Variants in API5 observed in about 807,000 individuals in gnomAD.
API5 encodes FIF.
API5 carries 6 observed loss-of-function variants against 71.9 expected under a neutral mutation model. The ratio of observed to expected loss-of-function variants is 0.08; its 90% CI spans 0.05 to 0.16. API5 has a LOEUF of 0.16. Ranked by LOEUF, API5 falls within the 10% of genes least tolerant of loss-of-function variation. The probability of loss-of-function intolerance (pLI) is 1.00; values close to 1 mark genes in which losing one functional copy is unlikely to be tolerated. For missense variants in API5, 332 were observed against 612.8 expected (o/e 0.54, Z 4.84); for synonymous variants, 189 against 221.3 (o/e 0.85, Z 1.30).
At position 43,327,675 on chromosome 11, in the gene API5, T is replaced by C. The variant is rs1171160066; in HGVS notation, c.856-114T>C. 7 of 723,844 alleles carry C rather than the reference T, an allele frequency of 9.7e-6. 1 individual carries two copies. The highest frequency in any genetic ancestry group is 5.7e-5 in the East Asian group (2 of 34,838). 44.8% of individuals were successfully genotyped at this position (723,844 alleles called of 1,614,324 possible). The stretch of plus-strand genomic sequence containing the variant: ...AGGTTTTCTTCCATTTCAAATGTTA[T>C]GATTCTGTGAAAACATAATTGAAAA... On this transcript the variant is annotated intron_variant, in intron 7 of 13. Transcript: ENST00000531273.
chr11:43,318,954 G>C, intron 2 of API5, 153 bp downstream of exon 2: 1 of 672,000 alleles, frequency 1.5e-6, no homozygotes, highest in Non-Finnish European at 2.4e-6. Flanking sequence ...ATTTACATAT[G>C]ATAAAGTGTA....
Position 43,342,582 on chromosome 11 carries a change from G to A in API5, c.*72G>A, listed in dbSNP as rs570546626. ...AAATTCTACTACTCATTGGATTGCC[G>A]GGGATGTCCCTTTAAACAGACTGCT... On this transcript the variant is annotated 3_prime_UTR_variant, in exon 14 of 14. Coordinates refer to ENST00000531273, the MANE Select transcript of API5 (RefSeq NM_001142930.2). The A allele has an allele frequency of 7.4e-5, 110 of 1,492,098 alleles. No homozygotes were observed. Among genetic ancestry groups the A allele is most frequent in the Non-Finnish European group, 9.0e-5 (97 of 1,077,022 alleles). The allele number at this position is 1,492,098 out of a possible 1,614,324, so 92.4% of individuals were successfully genotyped here. A position where few individuals can be genotyped will look rare whatever the true frequency, so the allele number is the denominator to read the frequency against.
chr11:43,317,918 T>G (rs1854727567), intron 1 of API5, among the ~76,000 whole-genome samples: 1 of 152,094 alleles, frequency 6.6e-6, no homozygotes, highest in African/African-American at 2.4e-5. Context: ...CTCAAGTGAT[T>G]GCCCACCTCG....
intron 1 of API5, among the ~76,000 whole-genome samples, chr11:43,314,364 A>G (rs1854598214): frequency 1.3e-5 from 2 of 152,170 alleles, no homozygotes; most frequent in Admixed American, 1.3e-4. Flanking sequence ...CCCCTACTCT[A>G]ATTTTGAGAG....
intron 5 of API5, 53 bp from the exon 6 acceptor site, chr11:43,323,377 C>G (rs1816703898): frequency 3.5e-6 from 5 of 1,424,084 alleles, no homozygotes; most frequent in Middle Eastern, 1.8e-4. Flanking sequence ...CAGTGTTGAT[C>G]TGTCCCATTC....
At chr11:43,320,948 T>C in intron 3 of API5, 34 bp downstream of exon 3, 2 of 1,522,880 alleles carry the variant, frequency 1.3e-6, no homozygotes, top group Non-Finnish European at 1.8e-6. Flanking sequence ...TTTCTCTAAA[T>C]ATATATCTTC....
chr11:43,339,561 C>T (rs1475300102), intron 13 of API5, among the ~76,000 whole-genome samples: 6 of 152,176 alleles, frequency 3.9e-5, no homozygotes, highest in African/African-American at 7.2e-5. Flanking sequence ...GGATGAGAGA[C>T]TCTTGTTCTG....
At chr11:43,326,782 C>T (rs1283915255) in intron 7 of API5, among the ~76,000 whole-genome samples, 171 bp downstream of exon 7, 1 of 152,190 alleles carries the variant, frequency 6.6e-6, no homozygotes, top group African/African-American at 2.4e-5. Flanking sequence ...TTCATGGATT[C>T]AATTAAAGTT....
chr11:43,318,612 G>T (rs759381941), intron 1 of API5, 28 bp from the exon 2 acceptor site: 1 of 1,608,172 alleles, frequency 6.2e-7, no homozygotes, highest in South Asian at 1.1e-5. Flanking sequence ...AAAATCATGT[G>T]TCTTTCCTGC....
chr11:43,329,002 G>T lies in API5; in HGVS notation c.1127+109G>T, dbSNP rs529531613. On this transcript the variant is annotated intron_variant, in intron 9 of 13. Coordinates refer to ENST00000531273, the MANE Select transcript of API5 (RefSeq NM_001142930.2). The stretch of plus-strand genomic sequence containing the variant: ...GAGCTCCCCATCCTGCCTTACCCCA[G>T]TGATACAGATTGGAGGGTTCAGAAA... The T allele has an allele frequency of 6.3e-6, 7 of 1,118,250 alleles. No homozygotes were observed. In the South Asian group the frequency reaches 1.0e-4, roughly 16 times the overall value. The allele number at this position is 1,118,250 out of a possible 1,614,324, so 69.3% of individuals were successfully genotyped here. A position where few individuals can be genotyped will look rare whatever the true frequency, so the allele number is the denominator to read the frequency against.
chr11:43,312,243 C>CT, intron 1 of API5, 47 bp downstream of exon 1: 2 of 1,585,888 alleles, frequency 1.3e-6, no homozygotes, highest in South Asian at 2.2e-5. Flanking sequence ...GCTCCGCGGC[C>CT]TTTCGAAAGC....
At chr11:43,325,731 T>A (rs946395784) in intron 6 of API5, among the ~76,000 whole-genome samples, 3 of 152,088 alleles carry the variant, frequency 2.0e-5, no homozygotes, top group African/African-American at 7.2e-5. Context: ...GCTTTAGCAG[T>A]GCAATTCTGA....
At position 43,342,629 on chromosome 11, in the gene API5, G is replaced by T. The variant is rs765206850; in HGVS notation, c.*119G>T. On this transcript the variant is annotated 3_prime_UTR_variant, in exon 14 of 14. Transcript: ENST00000531273. ...TGCTGCCTTCAGCTAAAAACTTAATGTTCTTTATACCTTTGTATGTATGAC... is the reference window on the plus strand; with the variant it reads ...TGCTGCCTTCAGCTAAAAACTTAATTTTCTTTATACCTTTGTATGTATGAC... 5 of 1,009,136 alleles carry T rather than the reference G, an allele frequency of 5.0e-6. No homozygotes were observed. Among genetic ancestry groups the T allele is most frequent in the Admixed American group, 2.0e-5 (1 of 50,448 alleles). 62.5% of individuals were successfully genotyped at this position (1,009,136 alleles called of 1,614,324 possible).
chr11:43,312,004 C>G lies in API5; in HGVS notation c.-124C>G, dbSNP rs1260854142. 2.7e-6 allele frequency: 3 copies of G among 1,104,296 alleles called. No individual in the cohort carries two copies. The highest frequency in any genetic ancestry group is 3.9e-6 in the Non-Finnish European group (3 of 763,100). The allele number at this position is 1,104,296 out of a possible 1,614,324, so 68.4% of individuals were successfully genotyped here. A position where few individuals can be genotyped will look rare whatever the true frequency, so the allele number is the denominator to read the frequency against. On this transcript the variant is annotated 5_prime_UTR_variant, in exon 1 of 14. Transcript: ENST00000531273. ...CAGCCGCGCTGTGCGCGGTGACTGG[C>G]GGCTGCACTGGCGGCAGCTGGAGGT...
intron 11 of API5, among the ~76,000 whole-genome samples, chr11:43,331,716 G>A (rs1187672604): frequency 6.6e-6 from 1 of 152,136 alleles, no homozygotes; most frequent in Non-Finnish European, 1.5e-5. Context: ...TTGTACAAGG[G>A]TCAGCTGCAG....
In API5 at chr11:43,342,692, A is replaced by T. The variant is rs767630323; in HGVS notation, c.*182A>T. On this transcript the variant is annotated 3_prime_UTR_variant, in exon 14 of 14. Transcript: ENST00000531273. ...CAGACCATGGTTGTGTCCAAGGTAA[A>T]ACCACAGTGATATTTTTGGATGCTT... 1.4e-6 allele frequency: 1 copy of T among 705,792 alleles called. No homozygotes were observed. Among genetic ancestry groups the T allele is most frequent in the Non-Finnish European group, 2.6e-6 (1 of 391,620 alleles). The allele number at this position is 705,792 out of a possible 1,614,324, so 43.7% of individuals were successfully genotyped here.
chr11:43,312,323 C>T, intron 1 of API5, 127 bp downstream of exon 1: 1 of 1,002,242 alleles, frequency 1.0e-6, no homozygotes, highest in South Asian at 1.5e-5. Context: ...CTAGCCTCCT[C>T]AGGCCGTCTC....
Position 43,343,784 on chromosome 11 carries a change from T to C in API5, c.*1274T>C, listed in dbSNP as rs1221616084. 6 of 152,648 alleles carry C rather than the reference T, an allele frequency of 3.9e-5. No homozygotes were observed. The highest frequency in any genetic ancestry group is 7.3e-5 in the Non-Finnish European group (5 of 68,042). 9.5% of individuals were successfully genotyped at this position (152,648 alleles called of 1,614,324 possible). A position where few individuals can be genotyped will look rare whatever the true frequency, so the allele number is the denominator to read the frequency against. On this transcript the variant is annotated 3_prime_UTR_variant, in exon 14 of 14. Transcript: ENST00000531273. ...TTCTGCATTTGAATGTTTCGTATATTTTTGTTTCACAGTTAATCTTCCCTC... is the reference window on the plus strand; with the variant it reads ...TTCTGCATTTGAATGTTTCGTATATCTTTGTTTCACAGTTAATCTTCCCTC...
At chr11:43,312,958 T>G (rs1051427430) in intron 1 of API5, among the ~76,000 whole-genome samples, 1 of 151,800 alleles carries the variant, frequency 6.6e-6, no homozygotes, top group Non-Finnish European at 1.5e-5. Flanking sequence ...AATACAAAAA[T>G]TAGCCGGGCG....
Sources: allele counts gnomAD v4.1 joint callset (sites outside exome capture counted in the v4.1 genomes callset), GRCh38; gene constraint gnomAD v4.1.1; transcripts MANE v1.5; gene names NCBI Gene and HGNC (gene_info 2026-07-23, HGNC 2026-07-21).